The following SCMH1 variants were observed in gnomAD, a reference collection of about 807,000 sequenced individuals.
SCMH1 encodes Scm polycomb group protein homolog 1, also known as polycomb protein SCMH1.
In SCMH1, 37 loss-of-function variants were observed where a neutral mutation model predicts 70.8. The ratio of observed to expected loss-of-function variants is 0.52; its 90% CI spans 0.40 to 0.69. SCMH1 has a LOEUF of 0.69. Among genes scored for constraint, SCMH1 ranks in the 30% least tolerant of loss-of-function variants. SCMH1 has a pLI of 0.00. For synonymous variants in SCMH1, 292 were observed against 307.4 expected (o/e 0.95, Z 0.52); for missense variants, 607 against 827.3 (o/e 0.73, Z 3.27).
chr1:41,132,545 T>C (rs779754937), intron 6 of SCMH1, among the ~76,000 whole-genome samples: 22 of 152,210 alleles, frequency 1.4e-4, no homozygotes, highest in Non-Finnish European at 3.1e-4. Flanking sequence ...AGTTCTTTAT[T>C]TTAATTAGAT....
chr1:41,235,519 C>G (rs938276042), intron 1 of SCMH1, among the ~76,000 whole-genome samples: 1 of 140,108 alleles, frequency 7.1e-6, no homozygotes, highest in African/African-American at 2.7e-5. Context: ...TGCAGTGAGC[C>G]GAGATCGCAC....
intron 8 of SCMH1, among the ~76,000 whole-genome samples, chr1:41,101,648 C>T (rs1666679101): frequency 6.6e-6 from 1 of 150,800 alleles, no homozygotes; most frequent in South Asian, 2.1e-4. Flanking sequence ...CAGATCATTT[C>T]ATTTTGGAGA....
At chr1:41,167,293 T>C (rs1646471534) in intron 2 of SCMH1, among the ~76,000 whole-genome samples, 7 of 152,132 alleles carry the variant, frequency 4.6e-5, no homozygotes, top group Admixed American at 3.9e-4. Context: ...GTCTTCTTTT[T>C]CTTCTTACCA....
chr1:41,109,748 C>A (rs1668815919), intron 8 of SCMH1, among the ~76,000 whole-genome samples: 1 of 152,146 alleles, frequency 6.6e-6, no homozygotes, highest in African/African-American at 2.4e-5. Context: ...AAACAGTCAG[C>A]AAACTTCTCT....
chr1:41,170,786 C>A (rs1005706750), intron 2 of SCMH1, among the ~76,000 whole-genome samples: 1 of 152,150 alleles, frequency 6.6e-6, no homozygotes. Flanking sequence ...ACAGTTATTG[C>A]CTCCTCACTA....
chr1:41,118,117 G>A (rs961780800), intron 6 of SCMH1, among the ~76,000 whole-genome samples: 1 of 152,184 alleles, frequency 6.6e-6, no homozygotes, highest in Non-Finnish European at 1.5e-5. Context: ...CCTATGCTGT[G>A]ATAGTTACAG....
intron 1 of SCMH1, among the ~76,000 whole-genome samples, chr1:41,194,361 C>G (rs1384992631): frequency 6.6e-6 from 1 of 152,054 alleles, no homozygotes; most frequent in Non-Finnish European, 1.5e-5. Flanking sequence ...TCAGCTATAT[C>G]AAATAGGAAA....
intron 1 of SCMH1, among the ~76,000 whole-genome samples, chr1:41,217,725 T>G (rs756730955): frequency 6.6e-5 from 10 of 152,202 alleles, no homozygotes; most frequent in Non-Finnish European, 1.0e-4. Flanking sequence ...CGACTGGCTC[T>G]GAGGGCAAAG....
At chr1:41,196,192 T>C (rs1652981499) in intron 1 of SCMH1, among the ~76,000 whole-genome samples, 1 of 152,076 alleles carries the variant, frequency 6.6e-6, no homozygotes, top group Non-Finnish European at 1.5e-5. Context: ...CCAAACGGCA[T>C]TTTTGCACAA....
intron 2 of SCMH1, among the ~76,000 whole-genome samples, chr1:41,175,430 T>C (rs953761389): frequency 1.7e-4 from 26 of 152,342 alleles, no homozygotes; most frequent in African/African-American, 5.1e-4. Context: ...GACTAAATTA[T>C]GGCACCAGCT....
At chr1:41,136,773 CTTTTTT>C (rs67410901) in intron 6 of SCMH1, among the ~76,000 whole-genome samples, 10 of 108,452 alleles carry the variant, frequency 9.2e-5, no homozygotes, top group East Asian at 5.5e-4. Context: ...AAGGACAGTA[CTTTTTT>C]TTTTTTTTTT....
chr1:41,058,316 A>G (rs1651221951), intron 10 of SCMH1, among the ~76,000 whole-genome samples: 1 of 149,494 alleles, frequency 6.7e-6, no homozygotes, highest in South Asian at 2.1e-4. Context: ...TGAGCCACAG[A>G]CACATCTGTG....
At chr1:41,238,399 C>G (rs1662816774) in intron 1 of SCMH1, among the ~76,000 whole-genome samples, 1 of 152,120 alleles carries the variant, frequency 6.6e-6, no homozygotes, top group African/African-American at 2.4e-5. Context: ...AGATAGAGAT[C>G]AGAACTCTGC....
At chr1:41,170,046 T>C (rs559562106) in intron 2 of SCMH1, among the ~76,000 whole-genome samples, 16 of 152,228 alleles carry the variant, frequency 1.1e-4, no homozygotes, top group Non-Finnish European at 2.4e-4. Flanking sequence ...GAATAGTGTG[T>C]CATAAACTCC....
intron 13 of SCMH1, 136 bp from the exon 14 acceptor site, chr1:41,034,184 G>C: frequency 4.3e-6 from 5 of 1,159,374 alleles, no homozygotes; most frequent in Non-Finnish European, 5.7e-6. Context: ...TCAGCGCTCA[G>C]CTCTGCCTCT....
intron 8 of SCMH1, among the ~76,000 whole-genome samples, chr1:41,112,062 T>C (rs764947866): frequency 3.3e-5 from 5 of 152,224 alleles, no homozygotes; most frequent in Non-Finnish European, 5.9e-5. Context: ...ACCTTCACTG[T>C]CACTATCCCA....
chr1:41,225,527 C>T (rs571947123), intron 1 of SCMH1, among the ~76,000 whole-genome samples: 13 of 152,200 alleles, frequency 8.5e-5, no homozygotes, highest in African/African-American at 1.2e-4. Flanking sequence ...AATCCATTAA[C>T]GATTAACAGA....
intron 8 of SCMH1, among the ~76,000 whole-genome samples, chr1:41,085,084 A>T (rs1661224824): frequency 6.6e-6 from 1 of 151,778 alleles, no homozygotes; most frequent in African/African-American, 2.4e-5. Flanking sequence ...TATGTAACTA[A>T]CCTGCACATT....
chr1:41,075,998 T>A (rs1658176307), intron 8 of SCMH1, among the ~76,000 whole-genome samples: 2 of 152,220 alleles, frequency 1.3e-5, no homozygotes, highest in South Asian at 4.1e-4. Context: ...TCTGATAGCA[T>A]CTCTCCTTAA....
Sources: gnomAD v4.1 joint callset for allele counts (sites outside exome capture counted in the v4.1 genomes callset) on GRCh38, gnomAD v4.1.1 for gene constraint, MANE v1.5 for transcripts, NCBI Gene and HGNC (gene_info 2026-07-23, HGNC 2026-07-21) for gene names.